The following TMEM140 variants were observed in gnomAD, a reference collection of about 807,000 sequenced individuals.
The protein encoded by TMEM140 is transmembrane protein 140.
For synonymous variants in TMEM140, 107 were observed against 106.8 expected (o/e 1.00, Z -0.01); for missense variants, 236 against 228.5 (o/e 1.03, Z -0.21).
rs1462936389 is a variant in TMEM140 at position 135,161,816 on chromosome 7, T to C, written c.-24-2602T>C. The stretch of plus-strand genomic sequence containing the variant: ...CACCCAAGGCAGCAGCCAGGGCTTC[T>C]GCTGGGACAGCCCCTCACTCCTCCA... On this transcript the variant is annotated intron_variant, in intron 1 of 1. Coordinates refer to ENST00000275767, the MANE Select transcript of TMEM140 (RefSeq NM_018295.5). The surrounding 1 kb of genome is among the most constrained non-coding windows in gnomAD (Gnocchi z 4.1). Among the ~76,000 whole-genome samples, 1 of 152,236 alleles carries C rather than the reference T, an allele frequency of 6.6e-6. No individual in the cohort carries two copies. Among genetic ancestry groups the C allele is most frequent in the African/African-American group, 2.4e-5 (1 of 41,468 alleles).
At chr7:135,162,698 C>T (rs895258139) in intron 1 of TMEM140, among the ~76,000 whole-genome samples, 2 of 152,202 alleles carry the variant, frequency 1.3e-5, no homozygotes, top group African/African-American at 4.8e-5. Flanking sequence ...CTGGGTCCCT[C>T]CCACAATGTG....
At chr7:135,162,114 TCTTTA>T (rs1757542790) in intron 1 of TMEM140, among the ~76,000 whole-genome samples, 1 of 152,222 alleles carries the variant, frequency 6.6e-6, no homozygotes, top group African/African-American at 2.4e-5. Flanking sequence ...TGTTCCATGT[TCTTTA>T]TTTTCCCCAC....
chr7:135,148,481 G>A (rs3735000), intron 1 of TMEM140, among the ~76,000 whole-genome samples: 73,800 of 151,990 alleles, frequency 0.49, 18,281 homozygotes, highest in South Asian at 0.66. Context: ...TCCACTCTTC[G>A]GCATCAACAT....
intron 1 of TMEM140, among the ~76,000 whole-genome samples, chr7:135,157,310 T>C (rs887003888): frequency 2.0e-5 from 3 of 152,240 alleles, no homozygotes; most frequent in African/African-American, 7.2e-5. Flanking sequence ...AGTCGTGTGA[T>C]CTTTCTATGA....
At chr7:135,162,455 C>T (rs1397904482) in intron 1 of TMEM140, among the ~76,000 whole-genome samples, 1 of 152,156 alleles carries the variant, frequency 6.6e-6, no homozygotes, top group African/African-American at 2.4e-5. Flanking sequence ...TGAAGAGATA[C>T]CCAGTAATTT....
chr7:135,157,522 G>A (rs556358591), intron 1 of TMEM140, among the ~76,000 whole-genome samples: 1 of 152,248 alleles, frequency 6.6e-6, no homozygotes, highest in South Asian at 2.1e-4. Context: ...TGGTTAGTGG[G>A]TCTTGGAGGG....
intron 1 of TMEM140, among the ~76,000 whole-genome samples, chr7:135,163,125 T>A (rs193069939): frequency 1.3e-5 from 2 of 152,338 alleles, no homozygotes; most frequent in Non-Finnish European, 2.9e-5. Context: ...AGTAATAGTG[T>A]AATGGATGAT....
At chr7:135,156,717 C>A (rs1211097894) in intron 1 of TMEM140, among the ~76,000 whole-genome samples, 1 of 152,066 alleles carries the variant, frequency 6.6e-6, no homozygotes, top group Admixed American at 6.5e-5. Flanking sequence ...TTGAAGAATT[C>A]TCTTTGATTG....
chr7:135,165,194 G>GA lies in TMEM140; in HGVS notation c.*196dup. The stretch of plus-strand genomic sequence containing the variant: ...GGGCACCTGTGACTTCTTAGTACAA[G>GA]ATTGTCTGTCCTTCAGGACTTCCAA... On this transcript the variant is annotated 3_prime_UTR_variant, in exon 2 of 2. Coordinates refer to ENST00000275767, the MANE Select transcript of TMEM140 (RefSeq NM_018295.5). The GA allele has an allele frequency of 3.5e-6, 2 of 578,730 alleles. No homozygotes were observed. The highest frequency in any genetic ancestry group is 5.5e-5 in the South Asian group (2 of 36,262). The allele number at this position is 578,730 out of a possible 1,614,324, so 35.8% of individuals were successfully genotyped here. A position where few individuals can be genotyped will look rare whatever the true frequency, so the allele number is the denominator to read the frequency against.
chr7:135,160,551 A>C (rs1829904582), intron 1 of TMEM140, among the ~76,000 whole-genome samples: 2 of 152,172 alleles, frequency 1.3e-5, no homozygotes, highest in Admixed American at 6.5e-5. Context: ...TCCATACACA[A>C]GTTCCTGAAT....
In TMEM140 at chr7:135,164,766, G is replaced by A; in HGVS notation, c.325G>A (p.Asp109Asn). The A allele has an allele frequency of 6.2e-7, 1 of 1,614,240 alleles. No homozygotes were observed. The highest frequency in any genetic ancestry group is 2.2e-5 in the East Asian group (1 of 44,880). ...TCTCCTCCTAGCCCAGTGCAACAGTGATGAGAGAGCGTGGCGGCTGGCAGT... is the reference window on the plus strand; with the variant it reads ...TCTCCTCCTAGCCCAGTGCAACAGTAATGAGAGAGCGTGGCGGCTGGCAGT... Reference protein sequence around the residue: ...QPLLLAQCNSDERAWRLAVGF... With the variant: ...QPLLLAQCNSNERAWRLAVGF... The change falls in exon 2 of 2, where the codon GAT (aspartate) becomes AAT (asparagine). Residue 109 changes from aspartate to asparagine, a missense_variant. Physicochemically the swap from Asp to Asn is conservative, Grantham distance 23 (BLOSUM62 1). Transcript: ENST00000275767.
At position 135,165,041 on chromosome 7, in the gene TMEM140, G is replaced by C. The variant is rs745763383; in HGVS notation, c.*42G>C. On this transcript the variant is annotated 3_prime_UTR_variant, in exon 2 of 2. Coordinates refer to ENST00000275767, the MANE Select transcript of TMEM140 (RefSeq NM_018295.5). ...AAGGGTTCAGTTCCAACCATGGTCAGAGGTGGCACATCTGCTCAGCCATCT... is the reference window on the plus strand; with the variant it reads ...AAGGGTTCAGTTCCAACCATGGTCACAGGTGGCACATCTGCTCAGCCATCT... 21 of 1,521,874 alleles carry C rather than the reference G, an allele frequency of 1.4e-5. No individual in the cohort carries two copies. Among genetic ancestry groups the C allele is most frequent in the Non-Finnish European group, 1.6e-5 (18 of 1,132,152 alleles). 94.3% of individuals were successfully genotyped at this position (1,521,874 alleles called of 1,614,324 possible).
chr7:135,164,276 AC>A, intron 1 of TMEM140, 141 bp from the exon 2 acceptor site: 1 of 634,902 alleles, frequency 1.6e-6, no homozygotes, highest in Non-Finnish European at 2.7e-6. Flanking sequence ...GTTACCTCAG[AC>A]TTCTGGTCCT....
intron 1 of TMEM140, among the ~76,000 whole-genome samples, chr7:135,162,439 C>A (rs1829967053): frequency 6.6e-6 from 1 of 152,176 alleles, no homozygotes. Flanking sequence ...CATTTTCATA[C>A]TGCTATGAAG....
intron 1 of TMEM140, 136 bp downstream of exon 1, chr7:135,148,406 C>A (rs1829593302): frequency 6.5e-6 from 2 of 307,526 alleles, no homozygotes; most frequent in African/African-American, 4.4e-5. Context: ...GTATCTGTGA[C>A]CCTCCCTCGC....
At chr7:135,160,547 C>T (rs1027386466) in intron 1 of TMEM140, among the ~76,000 whole-genome samples, 2 of 152,182 alleles carry the variant, frequency 1.3e-5, no homozygotes, top group Non-Finnish European at 1.5e-5. Flanking sequence ...CCTCTCCATA[C>T]ACAAGTTCCT....
intron 1 of TMEM140, among the ~76,000 whole-genome samples, chr7:135,155,931 G>A (rs1202403851): frequency 6.6e-6 from 1 of 152,178 alleles, no homozygotes; most frequent in East Asian, 1.9e-4. Flanking sequence ...GTCTAGTGGT[G>A]ACAAATTCCC....
At chr7:135,156,327 G>C (rs1438570683) in intron 1 of TMEM140, among the ~76,000 whole-genome samples, 2 of 152,052 alleles carry the variant, frequency 1.3e-5, no homozygotes, top group Non-Finnish European at 2.9e-5. Flanking sequence ...TTCCCCCTCA[G>C]AAATACCAAT....
rs2117461159 is a variant in TMEM140 at position 135,161,101 on chromosome 7, T to A, written c.-24-3317T>A. Reference sequence around the variant, plus strand: ...AGATGATGGCGAGCCTCATAAGAGCTGGGACTGAATATAAAAAGGTGAGAG... The same window carrying A: ...AGATGATGGCGAGCCTCATAAGAGCAGGGACTGAATATAAAAAGGTGAGAG... On this transcript the variant is annotated intron_variant, in intron 1 of 1. Coordinates refer to ENST00000275767, the MANE Select transcript of TMEM140 (RefSeq NM_018295.5). This position sits in a 1 kb window ranked among gnomAD's most constrained non-coding sequence, Gnocchi z 4.1. Among the ~76,000 whole-genome samples, 1 of 152,272 alleles carries A rather than the reference T, an allele frequency of 6.6e-6. No individual in the cohort carries two copies. The highest frequency in any genetic ancestry group is 6.5e-5 in the Admixed American group (1 of 15,298).
Sources: allele counts gnomAD v4.1 joint callset (sites outside exome capture counted in the v4.1 genomes callset), GRCh38; gene constraint gnomAD v4.1.1; non-coding constraint Gnocchi (gnomAD v3.1); transcripts MANE v1.5; gene names NCBI Gene and HGNC (gene_info 2026-07-23, HGNC 2026-07-21).